The following PIK3CD variants were observed in gnomAD, a reference collection of about 807,000 sequenced individuals.
The protein encoded by PIK3CD is phosphatidylinositol 4,5-bisphosphate 3-kinase catalytic subunit delta isoform.
In PIK3CD, 20 loss-of-function variants were observed where a neutral mutation model predicts 122.9. That is an observed-to-expected ratio of 0.16 (90% CI 0.11 to 0.24). PIK3CD has a LOEUF of 0.24. Among genes scored for constraint, PIK3CD ranks in the 10% least tolerant of loss-of-function variants. The pLI, the probability that PIK3CD is intolerant of heterozygous loss-of-function variation, is 1.00. For missense variants in PIK3CD, 787 were observed against 1,406.3 expected (o/e 0.56, Z 7.04); for synonymous variants, 596 against 593.4 (o/e 1.00, Z -0.06).
At chr1:9,629,818 A>C in the PIK3CD span, among the ~76,000 whole-genome samples, 1 of 152,164 alleles carries the variant, frequency 6.6e-6, no homozygotes, top group Non-Finnish European at 1.5e-5. Flanking sequence ...ACTTCCCCGT[A>C]AGGCTGCGGT....
intron 23 of PIK3CD, 81 bp from the exon 24 acceptor site, chr1:9,726,826 ACT>A: frequency 1.9e-6 from 3 of 1,544,796 alleles, no homozygotes; most frequent in Non-Finnish European, 2.7e-6. Flanking sequence ...TCATTCAGTG[ACT>A]CTGAAGTCCC....
At chr1:9,643,840 A>G in the PIK3CD span, among the ~76,000 whole-genome samples, 1 of 152,172 alleles carries the variant, frequency 6.6e-6, no homozygotes, top group Admixed American at 6.6e-5. Context: ...CTTAACCCCT[A>G]AGCTTCACTA....
rs1400364923 is a variant in PIK3CD, at chr1:9,722,208, G to A, written c.2235-36G>A. 1.2e-5 allele frequency: 19 copies of A among 1,611,200 alleles called. No individual in the cohort carries two copies. Among genetic ancestry groups the A allele is most frequent in the Non-Finnish European group, 1.6e-5 (19 of 1,178,986 alleles). ...TCCCACCCCTGGGAGGCCGGTAGAGGAGCCCCTGCTGACTGCCCGCTCTCT... is the reference window on the plus strand; with the variant it reads ...TCCCACCCCTGGGAGGCCGGTAGAGAAGCCCCTGCTGACTGCCCGCTCTCT... On this transcript the variant is annotated intron_variant, in intron 17 of 23. Coordinates refer to ENST00000377346, the MANE Select transcript of PIK3CD (RefSeq NM_005026.5). The surrounding 1 kb of genome is among the most constrained non-coding windows in gnomAD (Gnocchi z 7.6).
intron 1 of PIK3CD, among the ~76,000 whole-genome samples, chr1:9,674,947 C>T (rs926537831): frequency 6.8e-6 from 1 of 146,494 alleles, no homozygotes. Flanking sequence ...GTGGGAGGAT[C>T]GCTGCTTGAG....
intron 1 of PIK3CD, among the ~76,000 whole-genome samples, chr1:9,676,464 G>T (rs559906421): frequency 6.6e-6 from 1 of 152,334 alleles, no homozygotes; most frequent in African/African-American, 2.4e-5. Flanking sequence ...CTGGTGCCTG[G>T]CCCTTCCCCA....
At chr1:9,654,339 C>T (rs1329924701) in intron 1 of PIK3CD, 2 of 1,367,724 alleles carry the variant, frequency 1.5e-6, no homozygotes, top group Middle Eastern at 2.1e-4. Flanking sequence ...CTGTGGGCTC[C>T]GTTTCTCCTC....
At chr1:9,654,483 C>T (rs771369909) in intron 1 of PIK3CD, 10 of 1,276,352 alleles carry the variant, frequency 7.8e-6, no homozygotes, top group South Asian at 1.2e-5. Flanking sequence ...AATGGTTGTG[C>T]GAAAGCCAGC....
chr1:9,715,471 C>T lies in PIK3CD; in HGVS notation c.142-70C>T. On this transcript the variant is annotated intron_variant, in intron 3 of 23. Transcript: ENST00000377346. The surrounding 1 kb of genome is among the most constrained non-coding windows in gnomAD (Gnocchi z 4.1). ...CCCCAGGCTGGAGGCCAGCTCTCCA[C>T]CCTCCCTCAGCCTCCCACCTCCCAG... 1 of 1,396,724 alleles carries T rather than the reference C, an allele frequency of 7.2e-7. No individual in the cohort carries two copies. The highest frequency in any genetic ancestry group is 1.0e-6 in the Non-Finnish European group (1 of 994,110). 86.5% of individuals were successfully genotyped at this position (1,396,724 alleles called of 1,614,324 possible). A position where few individuals can be genotyped will look rare whatever the true frequency, so the allele number is the denominator to read the frequency against.
rs562586756 is a variant in PIK3CD, at chr1:9,724,650, G to C, written c.2865-154G>C. Among the ~76,000 whole-genome samples, 1 of 152,226 alleles carries C rather than the reference G, an allele frequency of 6.6e-6. No individual in the cohort carries two copies. The highest frequency in any genetic ancestry group is 1.5e-5 in the Non-Finnish European group (1 of 68,034). ...TGTAGCAGGAGGCTGGCTGGGGCAC[G>C]GGGGTCAGTTAGCAGAACTGGAGGC... On this transcript the variant is annotated intron_variant, in intron 22 of 23. Coordinates refer to ENST00000377346, the MANE Select transcript of PIK3CD (RefSeq NM_005026.5). This position sits in a 1 kb window ranked among gnomAD's most constrained non-coding sequence, Gnocchi z 7.3.
At position 9,652,719 on chromosome 1, in the gene PIK3CD, C is replaced by G. The variant is rs1469245029; in HGVS notation, c.-138+917C>G. ...AACTGGGACGACCTTTCGTGGGCACCAGGATGGGGGCGTTGCAGGGCGGGG... is the reference window on the plus strand; with the variant it reads ...AACTGGGACGACCTTTCGTGGGCACGAGGATGGGGGCGTTGCAGGGCGGGG... On this transcript the variant is annotated intron_variant, in intron 1 of 23. Coordinates refer to ENST00000377346, the MANE Select transcript of PIK3CD (RefSeq NM_005026.5). The surrounding 1 kb of genome is among the most constrained non-coding windows in gnomAD (Gnocchi z 6.2). 1 of 152,104 alleles carries G rather than the reference C, an allele frequency of 6.6e-6. No individual in the cohort carries two copies. The highest frequency in any genetic ancestry group is 2.1e-4 in the South Asian group (1 of 4,832). 9.4% of individuals were successfully genotyped at this position (152,104 alleles called of 1,614,324 possible).
At position 9,718,888 on chromosome 1, in the gene PIK3CD, C is replaced by A. The variant is rs778254677; in HGVS notation, c.1215C>A (p.Arg405=). The change falls in exon 9 of 24, where the codon CGC becomes CGA. Residue 405 remains arginine, a synonymous_variant. Coordinates refer to ENST00000377346, the MANE Select transcript of PIK3CD (RefSeq NM_005026.5). This position sits in a 1 kb window ranked among gnomAD's most constrained non-coding sequence, Gnocchi z 7.2. ...YAVIEKAKKA[R]STKKKSKKAD... ...TGATCGAGAAAGCCAAGAAGGCTCG[C>A]TCCACCAAGAAGAAGTCCAAGAAGG... 1 of 1,613,084 alleles carries A rather than the reference C, an allele frequency of 6.2e-7. No homozygotes were observed. The highest frequency in any genetic ancestry group is 1.1e-5 in the South Asian group (1 of 91,084).
chr1:9,683,437 CA>C (rs60086471), intron 1 of PIK3CD, among the ~76,000 whole-genome samples: 87 of 124,482 alleles, frequency 7.0e-4, no homozygotes, highest in Middle Eastern at 4.0e-3. Context: ...GACTCTGTCT[CA>C]AAAAAAAAAA....
chr1:9,654,919 T>G (rs919924673), intron 1 of PIK3CD, among the ~76,000 whole-genome samples: 6 of 151,694 alleles, frequency 4.0e-5, no homozygotes, highest in Non-Finnish European at 5.9e-5. Flanking sequence ...AAAAAAAAAT[T>G]AGCTGGGCGT....
At position 9,724,561 on chromosome 1, in the gene PIK3CD, G is replaced by A. The variant is rs933597415; in HGVS notation, c.2864+140G>A. 8 of 1,111,484 alleles carry A rather than the reference G, an allele frequency of 7.2e-6. No homozygotes were observed. The African/African-American group carries it at 1.1e-4, about 15-fold the overall frequency. The allele number at this position is 1,111,484 out of a possible 1,614,324, so 68.9% of individuals were successfully genotyped here. ...CCTCACCCCAACTGTTGATGGGTTT[G>A]GAACATGCCCCTGCTCCACCCTGCA... On this transcript the variant is annotated intron_variant, in intron 22 of 23. Transcript: ENST00000377346. This position sits in a 1 kb window ranked among gnomAD's most constrained non-coding sequence, Gnocchi z 7.3.
At chr1:9,698,597 C>G (rs1646508351) in intron 2 of PIK3CD, among the ~76,000 whole-genome samples, 1 of 152,202 alleles carries the variant, frequency 6.6e-6, no homozygotes, top group South Asian at 2.1e-4. Flanking sequence ...CATCATTTAG[C>G]CATTTCCTTA....
intron 1 of PIK3CD, among the ~76,000 whole-genome samples, chr1:9,661,812 C>T (rs961656492): frequency 5.9e-5 from 9 of 152,144 alleles, no homozygotes; most frequent in Admixed American, 1.3e-4. Flanking sequence ...CTGGCTAACA[C>T]GGTGAAACCC....
the PIK3CD span, among the ~76,000 whole-genome samples, chr1:9,640,222 A>C: frequency 6.6e-6 from 1 of 151,798 alleles, no homozygotes. Context: ...TCTTGCCCTC[A>C]TCCTAGAATT....
At chr1:9,705,370 G>A (rs372434456) in intron 2 of PIK3CD, among the ~76,000 whole-genome samples, 57 of 148,820 alleles carry the variant, frequency 3.8e-4, no homozygotes, top group African/African-American at 1.4e-3. Flanking sequence ...AGTGGCATAC[G>A]CCTGTAGTCC....
At chr1:9,695,654 C>T (rs191759333) in intron 2 of PIK3CD, among the ~76,000 whole-genome samples, 1 of 152,118 alleles carries the variant, frequency 6.6e-6, no homozygotes, top group Admixed American at 6.5e-5. Flanking sequence ...CCAGCCTGGC[C>T]AACATGGTGA....
Sources: allele counts gnomAD v4.1 joint callset (sites outside exome capture counted in the v4.1 genomes callset), GRCh38; gene constraint gnomAD v4.1.1; non-coding constraint Gnocchi (gnomAD v3.1); transcripts MANE v1.5; gene names NCBI Gene and HGNC (gene_info 2026-07-23, HGNC 2026-07-21).